The following SLC66A3 variants were observed in gnomAD, a reference collection of about 807,000 sequenced individuals.
The protein encoded by SLC66A3 is solute carrier family 66 member 3.
Under a neutral mutation model 25.5 loss-of-function variants are expected in SLC66A3, and 23 were observed. That is an observed-to-expected ratio of 0.90 (90% CI 0.65 to 1.28). SLC66A3 has a LOEUF of 1.28. Ranked by LOEUF, SLC66A3 falls within the 50% of genes most tolerant of loss-of-function variation. The pLI is 0.00. For synonymous variants in SLC66A3, 108 were observed against 112.6 expected (o/e 0.96, Z 0.26); for missense variants, 246 against 262.1 (o/e 0.94, Z 0.42).
intron 1 of SLC66A3, among the ~76,000 whole-genome samples, chr2:11,157,386 A>AAGCCAG (rs1199871356): frequency 6.6e-6 from 1 of 152,206 alleles, no homozygotes. Context: ...TGCAGCCTCC[A>AAGCCAG]AGCCAGGGCC....
intron 3 of SLC66A3, 143 bp from the exon 4 acceptor site, chr2:11,164,061 C>T (rs933513051): frequency 3.7e-5 from 20 of 545,672 alleles, no homozygotes; most frequent in Non-Finnish European, 5.3e-5. Context: ...CTTCCAAATC[C>T]GGCAGGTTCT....
At chr2:11,162,871 G>A (rs1451150032) in intron 3 of SLC66A3, among the ~76,000 whole-genome samples, 1 of 152,214 alleles carries the variant, frequency 6.6e-6, no homozygotes, top group African/African-American at 2.4e-5. Context: ...CTCCCAAAGT[G>A]CTGGGATTAC....
In SLC66A3 at chr2:11,174,222, C is replaced by T. The variant is rs372452926; in HGVS notation, c.476-746C>T. Among the ~76,000 whole-genome samples the T allele has an allele frequency of 3.9e-5, 6 of 152,262 alleles. No homozygotes were observed. In the East Asian group the frequency reaches 9.7e-4, roughly 25 times the overall value. ...CCACCCGCCTCAGCCTCCCGAAATGCTGGGATTACAGGCGTGAGCCACTGT... is the reference window on the plus strand; with the variant it reads ...CCACCCGCCTCAGCCTCCCGAAATGTTGGGATTACAGGCGTGAGCCACTGT... On this transcript the variant is annotated intron_variant, in intron 5 of 6. Transcript: ENST00000295083.
At chr2:11,157,084 C>T (rs1661932366) in intron 1 of SLC66A3, among the ~76,000 whole-genome samples, 1 of 152,220 alleles carries the variant, frequency 6.6e-6, no homozygotes, top group African/African-American at 2.4e-5. Context: ...AGATTCCCTC[C>T]TGCCGCCAGC....
intron 6 of SLC66A3, among the ~76,000 whole-genome samples, chr2:11,176,422 G>C (rs1402226454): frequency 6.6e-6 from 1 of 152,040 alleles, no homozygotes; most frequent in Non-Finnish European, 1.5e-5. Flanking sequence ...CACCATGTTG[G>C]CCAGGCTGGT....
At chr2:11,164,027 G>A (rs1455547493) in intron 3 of SLC66A3, among the ~76,000 whole-genome samples, 177 bp from the exon 4 acceptor site, 2 of 152,114 alleles carry the variant, frequency 1.3e-5, no homozygotes, top group Non-Finnish European at 2.9e-5. Flanking sequence ...CTGAGCAGGT[G>A]TTCACTTGCG....
chr2:11,158,889 G>A (rs149837658), intron 1 of SLC66A3, among the ~76,000 whole-genome samples: 2 of 152,190 alleles, frequency 1.3e-5, no homozygotes, highest in South Asian at 2.1e-4. Context: ...CTGCAGGGAT[G>A]GGGGGAGTTT....
At position 11,172,013 on chromosome 2, in the gene SLC66A3, T is replaced by C; in HGVS notation, c.443T>C (p.Leu148Pro). 6.2e-7 allele frequency: 1 copy of C among 1,614,164 alleles called. No homozygotes were observed. Among genetic ancestry groups the C allele is most frequent in the Non-Finnish European group, 8.5e-7 (1 of 1,179,998 alleles). Residue 148 changes from leucine (L) to proline (P), a missense_variant, in exon 5 of 7, where the codon CTG (leucine) becomes CCG (proline). By Grantham distance (98) the Leu-to-Pro change is moderately conservative. Coordinates refer to ENST00000295083, the MANE Select transcript of SLC66A3 (RefSeq NM_152391.5). ...KTRDSGTVSA[L>P]TWSLSSYTCA... ...AGAGACTCAGGAACTGTGAGTGCGCTGACTTGGAGCCTCTCTTCCTATACC... is the reference window on the plus strand; with the variant it reads ...AGAGACTCAGGAACTGTGAGTGCGCCGACTTGGAGCCTCTCTTCCTATACC...
Position 11,155,564 on chromosome 2 carries a change from G to A in SLC66A3, c.18G>A (p.Leu6=). The A allele has an allele frequency of 6.6e-7, 1 of 1,509,192 alleles. No homozygotes were observed. The highest frequency in any genetic ancestry group is 8.8e-7 in the Non-Finnish European group (1 of 1,138,038). 93.5% of individuals were successfully genotyped at this position (1,509,192 alleles called of 1,614,324 possible). The change falls in exon 1 of 7, where the codon CTG becomes CTA. Residue 6 remains leucine, a synonymous_variant. Transcript: ENST00000295083. MEAAL[L]GLCNWSTLGV... ...GTGGCGCTATGGAGGCGGCGCTGCT[G>A]GGGCTGTGTAACTGGAGCACGCTGG...
intron 3 of SLC66A3, among the ~76,000 whole-genome samples, chr2:11,162,082 A>G (rs901073825): frequency 1.3e-5 from 2 of 152,198 alleles, no homozygotes; most frequent in Non-Finnish European, 2.9e-5. Flanking sequence ...ACATGGGATC[A>G]TAATGCCTAT....
chr2:11,160,002 G>A (rs1023298135), intron 1 of SLC66A3, among the ~76,000 whole-genome samples: 22 of 152,138 alleles, frequency 1.4e-4, no homozygotes, highest in Non-Finnish European at 2.8e-4. Flanking sequence ...ACAGACCCCC[G>A]CATCCAGGGA....
At position 11,174,961 on chromosome 2, in the gene SLC66A3, T is replaced by A. The variant is rs1432366851; in HGVS notation, c.476-7T>A. 1 of 1,606,374 alleles carries A rather than the reference T, an allele frequency of 6.2e-7. No homozygotes were observed. Among genetic ancestry groups the A allele is most frequent in the Admixed American group, 1.7e-5 (1 of 58,778 alleles). On this transcript the variant is annotated splice_region_variant and splice_polypyrimidine_tract_variant and intron_variant, in intron 5 of 6. Coordinates refer to ENST00000295083, the MANE Select transcript of SLC66A3 (RefSeq NM_152391.5). ...AGTTACTTATTGCTGCAAGTTTTCT[T>A]TTACAGCAAGAATAATCACAACCTT... is the stretch of plus-strand genomic sequence containing the variant.
intron 4 of SLC66A3, among the ~76,000 whole-genome samples, chr2:11,169,779 T>G (rs1005042682): frequency 4.6e-5 from 7 of 151,156 alleles, no homozygotes; most frequent in Admixed American, 6.6e-5. Context: ...ATGGGAACTC[T>G]GTTCTTCCAC....
rs1662823455 is a variant in SLC66A3 at position 11,177,924 on chromosome 2, A to AATC, written c.*98_*100dup. The AATC allele has an allele frequency of 2.6e-6, 2 of 767,872 alleles. No homozygotes were observed. Among genetic ancestry groups the AATC allele is most frequent in the Non-Finnish European group, 4.3e-6 (2 of 468,334 alleles). The allele number at this position is 767,872 out of a possible 1,614,324, so 47.6% of individuals were successfully genotyped here. A position where few individuals can be genotyped will look rare whatever the true frequency, so the allele number is the denominator to read the frequency against. The stretch of plus-strand genomic sequence containing the variant: ...ATTAAGGTCTTTTATAAATTTAGTA[A>AATC]ATCAGTTTATAATCTTTAAAGCCAA... On this transcript the variant is annotated 3_prime_UTR_variant, in exon 7 of 7. Transcript: ENST00000295083.
At chr2:11,173,110 G>A (rs1406029187) in intron 5 of SLC66A3, among the ~76,000 whole-genome samples, 2 of 152,182 alleles carry the variant, frequency 1.3e-5, no homozygotes, top group African/African-American at 4.8e-5. Flanking sequence ...TGATCCACCC[G>A]CCTTGGCCTC....
At chr2:11,158,944 C>T (rs1406196343) in intron 1 of SLC66A3, among the ~76,000 whole-genome samples, 3 of 152,206 alleles carry the variant, frequency 2.0e-5, no homozygotes, top group Non-Finnish European at 4.4e-5. Flanking sequence ...CCTGCAGGGG[C>T]AGCAACGGCT....
chr2:11,160,409 G>C, intron 1 of SLC66A3, 57 bp from the exon 2 acceptor site: 2 of 1,501,456 alleles, frequency 1.3e-6, no homozygotes, highest in South Asian at 1.1e-5. Context: ...GTGCCTGCCA[G>C]GCCCCGACAG....
At chr2:11,164,116 C>A in intron 3 of SLC66A3, 88 bp from the exon 4 acceptor site, 1 of 780,016 alleles carries the variant, frequency 1.3e-6, no homozygotes, top group African/African-American at 1.8e-5. Flanking sequence ...CTGCGTGCCG[C>A]TGTCTGTGGT....
intron 5 of SLC66A3, among the ~76,000 whole-genome samples, chr2:11,174,704 T>A (rs539137905): frequency 8.9e-4 from 136 of 152,308 alleles, no homozygotes; most frequent in African/African-American, 3.2e-3. Flanking sequence ...TTTTGCCATG[T>A]TGGCCAGGCT....
Sources: gnomAD v4.1 joint callset for allele counts (sites outside exome capture counted in the v4.1 genomes callset) on GRCh38, gnomAD v4.1.1 for gene constraint, MANE v1.5 for transcripts, NCBI Gene and HGNC (gene_info 2026-07-23, HGNC 2026-07-21) for gene names.